Variants in NEB observed in about 807,000 individuals in gnomAD.
NEB encodes nebulin, also known as nemaline myopathy type 2.
Under a neutral mutation model 952.2 loss-of-function variants are expected in NEB, and 512 were observed. The observed-to-expected ratio is 0.54, with a 90% confidence interval of 0.50 to 0.58. The LOEUF is 0.58. NEB is among the 20% of genes least tolerant of loss of function. The pLI is 0.00. For synonymous variants in NEB, 2,900 were observed against 3,149.8 expected, an observed-to-expected ratio of 0.92 and a Z score of 2.66; for missense variants, 8,428 against 9,231.1, an observed-to-expected ratio of 0.91 and a Z score of 3.56.
chr2:151,630,723 A>G lies in NEB; in HGVS notation c.9715T>C (p.Tyr3239His), dbSNP rs749417645. Reference sequence around the variant, plus strand: ...CAGATTTTTGCTCCTACCTCACTGTAGTTGATTTTGTTCTGCCTTGCCAAC... The same window carrying G: ...CAGATTTTTGCTCCTACCTCACTGTGGTTGATTTTGTTCTGCCTTGCCAAC... The part of the protein sequence containing the change: ...IMLARQNKIN[Y>H]SETLYKLANE... The change falls in exon 67 of 182, where the codon TAC (tyrosine) becomes CAC (histidine). Residue 3239 changes from tyrosine (Y) to histidine (H), a missense_variant. Tyr to His is a moderately conservative substitution (Grantham distance 83). Coordinates refer to ENST00000397345, the MANE Select transcript of NEB (RefSeq NM_001164508.2). 1.9e-6 allele frequency: 3 copies of G among 1,605,376 alleles called. No individual in the cohort carries two copies. Among genetic ancestry groups the G allele is most frequent in the South Asian group, 2.2e-5 (2 of 89,468 alleles).
chr2:151,675,443 T>G (rs2099351950), intron 34 of NEB, 52 bp from the exon 35 acceptor site: 3 of 1,273,464 alleles, frequency 2.4e-6, no homozygotes. Flanking sequence ...TATTAATTGT[T>G]TGCTTTAAAG....
intron 72 of NEB, among the ~76,000 whole-genome samples, chr2:151,620,368 T>TAC (rs2098384613): frequency 2.5e-5 from 2 of 78,644 alleles, no homozygotes; most frequent in African/African-American, 7.4e-5. Context: ...TATATATATA[T>TAC]ATATATATAT....
chr2:151,653,098 T>C (rs1387086932), intron 52 of NEB, among the ~76,000 whole-genome samples: 1 of 152,174 alleles, frequency 6.6e-6, no homozygotes, highest in East Asian at 1.9e-4. Context: ...CAGATTCCAT[T>C]TTTAGGCATT....
rs2153171876 is a variant in NEB, at chr2:151,505,562, A to G, written c.23658T>C (p.Tyr7886=). ...QTQDHISSVK[Y]KEAIGQGTPI... ...GAGTTCCTTGTCCTATTGCTTCCTT[A>G]TACTTCACCTGCAGATTTAAAAATG... Residue 7886 remains tyrosine (Y), a synonymous_variant, in exon 165 of 182, where the codon TAT becomes TAC. Coordinates refer to ENST00000397345, the MANE Select transcript of NEB (RefSeq NM_001164508.2). The G allele has an allele frequency of 6.2e-7, 1 of 1,612,798 alleles. No individual in the cohort carries two copies. Among genetic ancestry groups the G allele is most frequent in the Non-Finnish European group, 8.5e-7 (1 of 1,178,846 alleles).
intron 10 of NEB, among the ~76,000 whole-genome samples, chr2:151,712,514 A>T (rs981710232): frequency 1.3e-5 from 2 of 152,146 alleles, no homozygotes; most frequent in African/African-American, 2.4e-5. Flanking sequence ...AGACCACGAC[A>T]TGTTATTTCC....
rs2096826500 is a variant in NEB, at chr2:151,576,331, C to A, written c.16728G>T (p.Glu5576Asp). Residue 5576 changes from glutamate to aspartate, a missense_variant, in exon 106 of 182, where the codon GAG becomes GAT. Physicochemically the swap from Glu to Asp is conservative, Grantham distance 45. Coordinates refer to ENST00000397345, the MANE Select transcript of NEB (RefSeq NM_001164508.2). ...QSDALYKADLEWLRGIGWMPQ... is the reference protein window; with the variant it reads ...QSDALYKADLDWLRGIGWMPQ... ...GCATCCAGCCAATGCCACGCAACCA[C>A]TCCAAGTCAGCCTTGTAGAGGGCCT... 6.2e-7 allele frequency: 1 copy of A among 1,605,666 alleles called. No homozygotes were observed. Among genetic ancestry groups the A allele is most frequent in the Admixed American group, 1.7e-5 (1 of 59,764 alleles).
At position 151,610,612 on chromosome 2, in the gene NEB, G is replaced by A. The variant is rs1196381872; in HGVS notation, c.11922C>T (p.Thr3974=). The A allele has an allele frequency of 6.2e-7, 1 of 1,612,210 alleles. No individual in the cohort carries two copies. The highest frequency in any genetic ancestry group is 8.5e-7 in the Non-Finnish European group (1 of 1,178,420). Residue 3974 remains threonine, a synonymous_variant, in exon 80 of 182, where the codon ACC becomes ACT. Transcript: ENST00000397345. The part of the protein sequence containing the change: ...NSANISQKLY[T]KGWDESKMKD... ...TCATCTTTGATTCATCCCATCCCTT[G>A]GTGTAAAGTTTCTAGGGAAGGGATA...
intron 70 of NEB, among the ~76,000 whole-genome samples, chr2:151,626,318 C>T (rs2098524243): frequency 6.6e-6 from 1 of 151,796 alleles, no homozygotes; most frequent in Non-Finnish European, 1.5e-5. Flanking sequence ...TTTCAACATG[C>T]TGCCCAGGCT....
intron 70 of NEB, among the ~76,000 whole-genome samples, chr2:151,626,644 C>T (rs181838705): frequency 6.6e-6 from 1 of 151,902 alleles, no homozygotes; most frequent in Admixed American, 6.6e-5. Context: ...TCACACCATT[C>T]TCCTGCCTCA....
chr2:151,627,392 G>T, intron 69 of NEB, 131 bp downstream of exon 69: 1 of 1,450,176 alleles, frequency 6.9e-7, no homozygotes, highest in Non-Finnish European at 9.3e-7. Flanking sequence ...AAGGGGAAGA[G>T]TTGCCTAAAA....
At chr2:151,518,725 A>T (rs2153383551) in intron 155 of NEB, among the ~76,000 whole-genome samples, 1 of 152,330 alleles carries the variant, frequency 6.6e-6, no homozygotes, top group African/African-American at 2.4e-5. Flanking sequence ...GGAATGGTTA[A>T]TTGGAGGGCA....
intron 161 of NEB, among the ~76,000 whole-genome samples, chr2:151,512,415 G>C (rs549447969): frequency 6.6e-6 from 1 of 151,656 alleles, no homozygotes; most frequent in Admixed American, 6.6e-5. Flanking sequence ...AGCCTCAACC[G>C]CCTGGGCTCA....
intron 39 of NEB, among the ~76,000 whole-genome samples, chr2:151,668,563 A>G (rs2099248323): frequency 6.6e-6 from 1 of 152,214 alleles, no homozygotes; most frequent in Admixed American, 6.5e-5. Context: ...GAAACAATTC[A>G]TAATAGTGGA....
At chr2:151,711,494 G>A (rs1475455693) in intron 10 of NEB, among the ~76,000 whole-genome samples, 1 of 152,198 alleles carries the variant, frequency 6.6e-6, no homozygotes, top group Admixed American at 6.5e-5. Context: ...GAGTCAACGA[G>A]CTTGGGTTAG....
chr2:151,656,150 T>C lies in NEB; in HGVS notation c.6495+3A>G. On this transcript the variant is annotated splice_donor_region_variant and intron_variant, in intron 49 of 181. Coordinates refer to ENST00000397345, the MANE Select transcript of NEB (RefSeq NM_001164508.2). ...CCATCACCCAAGTAGAAGAAAGCCT[T>C]ACATCACTCTGTATGCGATTCATAT... 6.3e-7 allele frequency: 1 copy of C among 1,581,778 alleles called. No homozygotes were observed. The highest frequency in any genetic ancestry group is 1.2e-5 in the South Asian group (1 of 84,664).
At chr2:151,665,614 C>T (rs2099205465) in intron 41 of NEB, 75 bp from the exon 42 acceptor site, 2 of 1,287,828 alleles carry the variant, frequency 1.6e-6, no homozygotes, top group Non-Finnish European at 2.1e-6. Flanking sequence ...GATTTACTTA[C>T]AATCAAAAAG....
Position 151,547,472 on chromosome 2 carries a change from G to A in NEB, c.20324C>T (p.Pro6775Leu), listed in dbSNP as rs756765934. The A allele has an allele frequency of 7.5e-6, 12 of 1,607,600 alleles. No individual in the cohort carries two copies. The highest frequency in any genetic ancestry group is 6.7e-5 in the South Asian group (6 of 89,366). Residue 6775 changes from proline (P) to leucine (L), a missense_variant, in exon 133 of 182, where the codon CCC (proline) becomes CTC (leucine). Pro to Leu is a moderately conservative substitution (Grantham distance 98). Coordinates refer to ENST00000397345, the MANE Select transcript of NEB (RefSeq NM_001164508.2). ...CACATAGCGGCAATGGATCACTTGG[G>A]GTGTGTATGGCAGAGAGATCATGTG... ...QGHMISLPYTPQVIHCRYVGD... is the reference protein window; with the variant it reads ...QGHMISLPYTLQVIHCRYVGD...
chr2:151,514,515 A>G (rs2076537191), intron 158 of NEB, 87 bp from the exon 159 acceptor site: 2 of 1,067,556 alleles, frequency 1.9e-6, no homozygotes, highest in African/African-American at 1.6e-5. Flanking sequence ...AACAATTCCA[A>G]TTTTTAAAGG....
intron 12 of NEB, 97 bp from the exon 13 acceptor site, chr2:151,707,094 C>A: frequency 1.3e-6 from 1 of 767,502 alleles, no homozygotes; most frequent in Non-Finnish European, 2.1e-6. Context: ...TCAATTTTCT[C>A]TTTAGAAAAA....
Sources: gnomAD v4.1 joint callset for allele counts (sites outside exome capture counted in the v4.1 genomes callset) on GRCh38, gnomAD v4.1.1 for gene constraint, MANE v1.5 for transcripts, NCBI Gene and HGNC (gene_info 2026-07-23, HGNC 2026-07-21) for gene names.